Variants in FRMPD4 observed in about 807,000 individuals in gnomAD.
FRMPD4 encodes FERM and PDZ domain-containing protein 4.
FRMPD4 carries 22 observed loss-of-function variants against 94.1 expected under a neutral mutation model. The ratio of observed to expected loss-of-function variants is 0.23; its 90% CI spans 0.17 to 0.33. The LOEUF (loss-of-function observed/expected upper bound fraction) is 0.33. FRMPD4 is among the 10% of genes least tolerant of loss of function. The pLI is 1.00. For missense variants in FRMPD4, 1,111 were observed against 1,339.9 expected, an observed-to-expected ratio of 0.83 and a Z score of 2.67; for synonymous variants, 631 against 548.6, an observed-to-expected ratio of 1.15 and a Z score of -2.10.
chrX:12,312,206 C>T (rs1484624141), intron 1 of FRMPD4, among the ~76,000 whole-genome samples: 17 of 102,162 alleles, frequency 1.7e-4, no homozygotes, highest in Non-Finnish European at 2.6e-4. Flanking sequence ...TTATATAATT[C>T]CTATTTGCTT....
chrX:12,558,957 T>G (rs780284943), intron 2 of FRMPD4, among the ~76,000 whole-genome samples: 1 of 111,970 alleles, frequency 8.9e-6, no homozygotes, highest in South Asian at 3.7e-4. Context: ...TGGTACTGAT[T>G]TATATGTGTT....
intron 4 of FRMPD4, among the ~76,000 whole-genome samples, chrX:12,640,894 G>A (rs751128710): frequency 9.0e-6 from 1 of 111,418 alleles, no homozygotes; most frequent in South Asian, 3.9e-4. Flanking sequence ...TTAAAAGGTG[G>A]GATTGAGCCA....
intron 3 of FRMPD4, among the ~76,000 whole-genome samples, chrX:12,004,004 G>A (rs904811380): frequency 9.0e-5 from 10 of 111,530 alleles, no homozygotes; most frequent in Non-Finnish European, 1.7e-4. Context: ...GCCAGGACTG[G>A]CTTTTTCTCC....
chrX:12,008,076 T>G (rs1351879988), intron 3 of FRMPD4, among the ~76,000 whole-genome samples: 1 of 111,980 alleles, frequency 8.9e-6, no homozygotes, highest in African/African-American at 3.3e-5. Flanking sequence ...TGCTTGTGAG[T>G]CACTGCGTGC....
intron 1 of FRMPD4, among the ~76,000 whole-genome samples, chrX:12,148,162 C>T (rs189274080): frequency 8.9e-6 from 1 of 112,086 alleles, no homozygotes; most frequent in East Asian, 2.8e-4. Flanking sequence ...AAGTTTGGTA[C>T]GGAAGGCATG....
chrX:12,561,263 T>TA (rs1046939762), intron 2 of FRMPD4, among the ~76,000 whole-genome samples: 1 of 112,387 alleles, frequency 8.9e-6, no homozygotes, highest in Non-Finnish European at 1.9e-5. Context: ...ATAAAAACAA[T>TA]AAAAAAAGTT....
intron 1 of FRMPD4, among the ~76,000 whole-genome samples, chrX:12,334,731 C>T (rs1177419541): frequency 1.8e-5 from 2 of 111,180 alleles, no homozygotes; most frequent in Non-Finnish European, 3.8e-5. Flanking sequence ...TTATTGTGCA[C>T]CTGTTATGTG....
chrX:11,868,315 C>T (rs1276071137), intron 2 of FRMPD4, among the ~76,000 whole-genome samples: 4 of 111,669 alleles, frequency 3.6e-5, no homozygotes, highest in African/African-American at 1.3e-4. Flanking sequence ...GGAAGGTGAG[C>T]CAAATGCTAT....
intron 1 of FRMPD4, among the ~76,000 whole-genome samples, chrX:12,169,534 T>G: frequency 8.9e-6 from 1 of 111,888 alleles, no homozygotes; most frequent in Non-Finnish European, 1.9e-5. Flanking sequence ...AAATAAAGTT[T>G]TATTGGAACA....
At chrX:12,421,499 T>C (rs2056882735) in intron 1 of FRMPD4, among the ~76,000 whole-genome samples, 1 of 111,419 alleles carries the variant, frequency 9.0e-6, no homozygotes, top group African/African-American at 3.3e-5. Flanking sequence ...GGTTTAAGCC[T>C]GTAATCCCAG....
intron 1 of FRMPD4, among the ~76,000 whole-genome samples, chrX:12,460,803 AAAT>A (rs1360630504): frequency 8.9e-6 from 1 of 112,267 alleles, no homozygotes; most frequent in African/African-American, 3.2e-5. Context: ...AGGATTTACA[AAAT>A]AATTTGTGTT....
chrX:11,871,791 A>G (rs2053757857), intron 2 of FRMPD4, among the ~76,000 whole-genome samples: 1 of 111,756 alleles, frequency 8.9e-6, no homozygotes, highest in South Asian at 3.7e-4. Context: ...CCAAGAGTAG[A>G]TGGGTGTAGG....
chrX:12,489,127 C>T (rs973747), intron 1 of FRMPD4, among the ~76,000 whole-genome samples: 211 of 111,624 alleles, frequency 1.9e-3, no homozygotes, highest in African/African-American at 6.4e-3. Context: ...TAGAACTTAG[C>T]CTCCTCAGAA....
intron 5 of FRMPD4, among the ~76,000 whole-genome samples, chrX:12,680,811 G>C (rs2059963740): frequency 9.0e-6 from 1 of 110,902 alleles, no homozygotes; most frequent in Admixed American, 9.6e-5. Context: ...GCTAGAGAGA[G>C]GAGATAGTAC....
chrX:12,401,151 G>A (rs1056663612), intron 1 of FRMPD4, among the ~76,000 whole-genome samples: 2 of 111,579 alleles, frequency 1.8e-5, no homozygotes, highest in African/African-American at 6.5e-5. Context: ...AGAGGGGACA[G>A]AAGCTCAAAG....
At chrX:12,189,006 G>C (rs761154111) in intron 1 of FRMPD4, among the ~76,000 whole-genome samples, 22 of 111,474 alleles carry the variant, frequency 2.0e-4, no homozygotes, top group African/African-American at 6.8e-4. Flanking sequence ...CCAGAAGCTT[G>C]TTCTTTGAAA....
intron 1 of FRMPD4, among the ~76,000 whole-genome samples, chrX:12,339,456 G>A (rs2055575842): frequency 9.0e-6 from 1 of 111,652 alleles, no homozygotes; most frequent in African/African-American, 3.3e-5. Flanking sequence ...GCTAACCTAT[G>A]TCAAACCACT....
At chrX:12,328,786 T>A (rs893234310) in intron 1 of FRMPD4, among the ~76,000 whole-genome samples, 2 of 111,471 alleles carry the variant, frequency 1.8e-5, no homozygotes, top group Non-Finnish European at 3.8e-5. Context: ...GCACAGCCAC[T>A]TAGAAGCTGT....
At chrX:11,891,148 CAG>C (rs1417872952) in intron 3 of FRMPD4, among the ~76,000 whole-genome samples, 1 of 112,442 alleles carries the variant, frequency 8.9e-6, no homozygotes, top group Admixed American at 9.4e-5. Flanking sequence ...CTACCTGGGA[CAG>C]AGAGCACTGT....
Sources: gnomAD v4.1 joint callset for allele counts (sites outside exome capture counted in the v4.1 genomes callset) on GRCh38, gnomAD v4.1.1 for gene constraint, MANE v1.5 for transcripts, NCBI Gene and HGNC (gene_info 2026-07-23, HGNC 2026-07-21) for gene names.